Variants in ACR observed in about 807,000 individuals in gnomAD.
The protein encoded by ACR is acrosin light and heavy chain prepropeptide.
ACR carries 17 observed loss-of-function variants against 26.0 expected under a neutral mutation model. That is an observed-to-expected ratio of 0.65 (90% CI 0.45 to 0.98). The LOEUF (loss-of-function observed/expected upper bound fraction) is 0.98, where lower values mean the gene tolerates loss of function less well. Among genes scored for constraint, ACR ranks in the 50% least tolerant of loss-of-function variants. The probability of loss-of-function intolerance (pLI) is 0.00; values close to 1 mark genes in which losing one functional copy is unlikely to be tolerated. For synonymous variants in ACR, 199 were observed against 207.7 expected, an observed-to-expected ratio of 0.96 and a Z score of 0.36; for missense variants, 435 against 519.3, an observed-to-expected ratio of 0.84 and a Z score of 1.58.
At position 50,744,120 on chromosome 22, in the gene ACR, T is replaced by C; in HGVS notation, c.625T>C (p.Cys209Arg). ...TGTGGATCTCATCGACCTGGACTTGTGTAACTCGACCCAGTGGTACAATGG... is the reference window on the plus strand; with the variant it reads ...TGTGGATCTCATCGACCTGGACTTGCGTAACTCGACCCAGTGGTACAATGG... ...ARVDLIDLDL[C>R]NSTQWYNGRV... Residue 209 changes from cysteine to arginine, a missense_variant, in exon 4 of 5, where the codon TGT becomes CGT. Physicochemically the swap from Cys to Arg is radical, Grantham distance 180. This residue lies in a region of ACR where 314 missense variants were observed against 372.0 expected (regional missense o/e 0.84). Transcript: ENST00000216139. 6.2e-7 allele frequency: 1 copy of C among 1,607,758 alleles called. No individual in the cohort carries two copies. Among genetic ancestry groups the C allele is most frequent in the Non-Finnish European group, 8.5e-7 (1 of 1,177,270 alleles).
chr22:50,742,783 C>G (rs891530897), intron 3 of ACR, among the ~76,000 whole-genome samples: 19 of 152,202 alleles, frequency 1.2e-4, no homozygotes, highest in African/African-American at 4.6e-4. Flanking sequence ...ACTCGTGTGT[C>G]CCCTGTCTCC....
chr22:50,743,319 G>A (rs1209995373), intron 3 of ACR, among the ~76,000 whole-genome samples: 10 of 152,222 alleles, frequency 6.6e-5, no homozygotes, highest in Non-Finnish European at 1.0e-4. Context: ...ACAGGCGTGA[G>A]CCACCGCGCC....
intron 1 of ACR, among the ~76,000 whole-genome samples, chr22:50,738,625 C>T (rs1454130141): frequency 6.6e-6 from 1 of 151,536 alleles, no homozygotes; most frequent in African/African-American, 2.4e-5. Context: ...CCGTGGTTGC[C>T]CCCAACAGCC....
At position 50,740,827 on chromosome 22, in the gene ACR, G is replaced by A. The variant is rs962313777; in HGVS notation, c.565+850G>A. On this transcript the variant is annotated intron_variant, in intron 3 of 4. Transcript: ENST00000216139. ...CCGTACCAGACCAGGCTCACGGAGGGCCCCAGGTGTGACCTAGAACAAATT... is the reference window on the plus strand; with the variant it reads ...CCGTACCAGACCAGGCTCACGGAGGACCCCAGGTGTGACCTAGAACAAATT... 1.2e-5 allele frequency: 8 copies of A among 651,378 alleles called. No homozygotes were observed. In the African/African-American group the frequency reaches 1.4e-4, roughly 12 times the overall value. 40.3% of individuals were successfully genotyped at this position (651,378 alleles called of 1,614,324 possible). A position where few individuals can be genotyped will look rare whatever the true frequency, so the allele number is the denominator to read the frequency against.
chr22:50,742,351 T>C (rs982028330), intron 3 of ACR, among the ~76,000 whole-genome samples: 2 of 152,086 alleles, frequency 1.3e-5, no homozygotes, highest in African/African-American at 4.8e-5. Context: ...GAGACCATCC[T>C]GGCTAACACG....
rs1174994293 is a variant in ACR at position 50,739,318 on chromosome 22, G to A, written c.125G>A (p.Arg42His). 22 of 1,604,312 alleles carry A rather than the reference G, an allele frequency of 1.4e-5. No individual in the cohort carries two copies. The highest frequency in any genetic ancestry group is 1.7e-4 in the Middle Eastern group (1 of 6,060). ...RFRQNPQGGV[R>H]IVGGKAAQHG... Reference sequence around the variant, plus strand: ...AGGCAAAACCCACAGGGTGGTGTCCGCATCGTCGGCGGGAAGGCTGCACAG... The same window carrying A: ...AGGCAAAACCCACAGGGTGGTGTCCACATCGTCGGCGGGAAGGCTGCACAG... The change falls in exon 2 of 5, where the codon CGC (arginine) becomes CAC (histidine). Residue 42 changes from arginine to histidine, a missense_variant. By Grantham distance (29) the Arg-to-His change is conservative (BLOSUM62 0). Transcript: ENST00000216139. The surrounding 1 kb of genome is among the most constrained non-coding windows in gnomAD (Gnocchi z 5.5).
In ACR at chr22:50,744,518, T is replaced by C. The variant is rs1347994134; in HGVS notation, c.712-135T>C. 3 of 1,364,360 alleles carry C rather than the reference T, an allele frequency of 2.2e-6. No individual in the cohort carries two copies. The African/African-American group carries it at 4.4e-5, about 20-fold the overall frequency. The allele number at this position is 1,364,360 out of a possible 1,614,324, so 84.5% of individuals were successfully genotyped here. On this transcript the variant is annotated intron_variant, in intron 4 of 4. Transcript: ENST00000216139. ...GAAGCCCCTGACACCCCCTCAAACT[T>C]TACTACAACCACTTGTGTTTACAGC...
rs1205868236 is a variant in ACR at position 50,744,156 on chromosome 22, C to G, written c.661C>G (p.Pro221Ala). The change falls in exon 4 of 5, where the codon CCA becomes GCA. Residue 221 changes from proline to alanine, a missense_variant. This residue lies in a region of ACR where 314 missense variants were observed against 372.0 expected (regional missense o/e 0.84). Transcript: ENST00000216139. ...CCAGTGGTACAATGGGCGCGTTCAG[C>G]CAACCAATGTGTGCGCGGGGTATCC... ...STQWYNGRVQ[P>A]TNVCAGYPVG... 3.1e-6 allele frequency: 5 copies of G among 1,613,890 alleles called. No homozygotes were observed. The highest frequency in any genetic ancestry group is 1.3e-5 in the African/African-American group (1 of 74,986).
intron 1 of ACR, among the ~76,000 whole-genome samples, chr22:50,738,975 C>T (rs1398361185): frequency 6.6e-6 from 1 of 152,206 alleles, no homozygotes; most frequent in Non-Finnish European, 1.5e-5. Context: ...CTCTACCCTC[C>T]TGTTCTGCCC....
intron 4 of ACR, 184 bp from the exon 5 acceptor site, chr22:50,744,469 T>G: frequency 1.1e-6 from 1 of 947,018 alleles, no homozygotes; most frequent in Admixed American, 2.9e-5. Context: ...CCCTGACAAT[T>G]CACACCCTCC....
In ACR at chr22:50,739,954, G is replaced by A. The variant is rs2083417308; in HGVS notation, c.542G>A (p.Gly181Asp). ...PRGSQSCWVA[G>D]WGYIEEKAPR... ...GGCTCCCAGAGCTGCTGGGTGGCCGGCTGGGGATATATAGAAGAGAAAGGT... is the reference window on the plus strand; with the variant it reads ...GGCTCCCAGAGCTGCTGGGTGGCCGACTGGGGATATATAGAAGAGAAAGGT... Residue 181 changes from glycine (G) to aspartate (D), a missense_variant, in exon 3 of 5, where the codon GGC becomes GAC. By Grantham distance (94) the Gly-to-Asp change is moderately conservative (BLOSUM62 -1). Around this residue, in one of 3 missense-constraint regions of ACR, gnomAD observed 314 missense variants for 372.0 expected, o/e 0.84. Coordinates refer to ENST00000216139, the MANE Select transcript of ACR (RefSeq NM_001097.3). This position sits in a 1 kb window ranked among gnomAD's most constrained non-coding sequence, Gnocchi z 5.5. The A allele has an allele frequency of 1.2e-6, 2 of 1,613,820 alleles. No homozygotes were observed. The highest frequency in any genetic ancestry group is 1.7e-6 in the Non-Finnish European group (2 of 1,180,032).
chr22:50,738,700 T>C (rs375402457), intron 1 of ACR, among the ~76,000 whole-genome samples: 2 of 150,414 alleles, frequency 1.3e-5, no homozygotes, highest in East Asian at 3.9e-4. Flanking sequence ...CACTCCAAGG[T>C]ACCCCGAAAT....
Position 50,739,231 on chromosome 22 carries a change from G to C in ACR, c.78-40G>C. The C allele has an allele frequency of 6.6e-7, 1 of 1,522,580 alleles. No individual in the cohort carries two copies. Among genetic ancestry groups the C allele is most frequent in the Non-Finnish European group, 8.9e-7 (1 of 1,122,652 alleles). 94.3% of individuals were successfully genotyped at this position (1,522,580 alleles called of 1,614,324 possible). ...TTGTGGAGTTACAAGGACAGGCTGT[G>C]CTCATGCCAGGTTTGAACTGTGCTC... On this transcript the variant is annotated intron_variant, in intron 1 of 4. Transcript: ENST00000216139. The surrounding 1 kb of genome is among the most constrained non-coding windows in gnomAD (Gnocchi z 5.5).
chr22:50,743,320 C>A (rs922363861), intron 3 of ACR, among the ~76,000 whole-genome samples: 9 of 152,228 alleles, frequency 5.9e-5, no homozygotes, highest in Non-Finnish European at 5.9e-5. Flanking sequence ...CAGGCGTGAG[C>A]CACCGCGCCC....
rs764583729 is a variant in ACR at position 50,740,005 on chromosome 22, G to A, written c.565+28G>A. On this transcript the variant is annotated intron_variant, in intron 3 of 4. Transcript: ENST00000216139. ...GAGTATGGGAGCGCCTCCAAGGGGGGACGCTGCTGGCCATTCTCCTGGTGG... is the reference window on the plus strand; with the variant it reads ...GAGTATGGGAGCGCCTCCAAGGGGGAACGCTGCTGGCCATTCTCCTGGTGG... The A allele has an allele frequency of 1.6e-5, 25 of 1,612,074 alleles. No individual in the cohort carries two copies. The South Asian group carries it at 2.2e-4, about 14-fold the overall frequency.
At chr22:50,740,567 G>GTT (rs2083420807) in intron 3 of ACR, 1 of 702,164 alleles carries the variant, frequency 1.4e-6, no homozygotes, top group Non-Finnish European at 2.6e-6. Context: ...GACTGGGAAG[G>GTT]GGACCGGTGG....
chr22:50,744,899 A>C lies in ACR; in HGVS notation c.958A>C (p.Ile320Leu), dbSNP rs1315381627. 1.2e-5 allele frequency: 19 copies of C among 1,542,358 alleles called. No homozygotes were observed. The highest frequency in any genetic ancestry group is 5.6e-5 in the Admixed American group (3 of 53,408). ...GATTCGACCCCCCTTCTCCCACCCT[A>C]TCTCTGCTCACCTTCCTTGGTATTT... ...PPIRPPFSHP[I>L]SAHLPWYFQP... The change falls in exon 5 of 5, where the codon ATC becomes CTC. Residue 320 changes from isoleucine to leucine, a missense_variant. This residue lies in a region of ACR where 92 missense variants were observed against 87.8 expected (regional missense o/e 1.05). Transcript: ENST00000216139.
In ACR at chr22:50,744,140, C is replaced by T; in HGVS notation, c.645C>T (p.Tyr215=). The change falls in exon 4 of 5, where the codon TAC becomes TAT. Residue 215 remains tyrosine (Y), a synonymous_variant. Transcript: ENST00000216139. ...DLDLCNSTQW[Y]NGRVQPTNVC... is the part of the protein sequence containing the mutation. ...ACTTGTGTAACTCGACCCAGTGGTA[C>T]AATGGGCGCGTTCAGCCAACCAATG... The T allele has an allele frequency of 1.2e-6, 2 of 1,613,924 alleles. No homozygotes were observed. The highest frequency in any genetic ancestry group is 1.7e-4 in the Middle Eastern group (1 of 6,056).
At chr22:50,738,516 T>A (rs965137747) in intron 1 of ACR, among the ~76,000 whole-genome samples, 4 of 148,456 alleles carry the variant, frequency 2.7e-5, no homozygotes, top group Admixed American at 1.4e-4. Flanking sequence ...TCAGGCTCCT[T>A]GTGCCTCTCC....
Sources: gnomAD v4.1 joint callset for allele counts (sites outside exome capture counted in the v4.1 genomes callset) on GRCh38, gnomAD v4.1.1 for gene constraint, gnomAD v4.1.1 regional missense constraint, Gnocchi (gnomAD v3.1) non-coding constraint, MANE v1.5 for transcripts, NCBI Gene and HGNC (gene_info 2026-07-23, HGNC 2026-07-21) for gene names.